Variants in LONP1 observed in about 807,000 individuals in gnomAD.
The protein encoded by LONP1 is lon protease homolog, mitochondrial.
LONP1 carries 31 observed loss-of-function variants against 98.5 expected under a neutral mutation model. The ratio of observed to expected loss-of-function variants is 0.31; its 90% confidence interval spans 0.24 to 0.42. The LOEUF (loss-of-function observed/expected upper bound fraction) is 0.42. LONP1 is among the 20% of genes least tolerant of loss of function. The pLI is 1.00. For missense variants in LONP1, 1,336 were observed against 1,350.6 expected (o/e 0.99, Z 0.17); for synonymous variants, 781 against 594.7 (o/e 1.31, Z -4.56).
At chr19:5,705,719 GGGGCTGAGGAGGGGTCACCTGA>G in intron 8 of LONP1, 31 bp downstream of exon 8, 4 of 1,550,402 alleles carry the variant, frequency 2.6e-6, no homozygotes, top group Non-Finnish European at 3.5e-6. Context: ...GCCTAAGATG[GGGGCTGAGGAGGGGTCACCTGA>G]GGGCTGGGCC....
intron 2 of LONP1, 102 bp from the exon 3 acceptor site, chr19:5,713,355 C>T: frequency 1.4e-6 from 2 of 1,424,830 alleles, no homozygotes; most frequent in Admixed American, 1.7e-5. Flanking sequence ...ACGCCCCTAC[C>T]AAATGCTACT....
intron 8 of LONP1, among the ~76,000 whole-genome samples, chr19:5,703,556 G>C (rs980492461): frequency 4.6e-5 from 7 of 151,956 alleles, no homozygotes; most frequent in African/African-American, 1.7e-4. Flanking sequence ...ATGAAGAGGA[G>C]GACGGCTTCC....
chr19:5,692,367 CGG>C lies in LONP1; in HGVS notation c.2704-161_2704-160del, dbSNP rs1012383335. 7.9e-6 allele frequency: 5 copies of C among 633,792 alleles called. No individual in the cohort carries two copies. The African/African-American group carries it at 9.3e-5, about 12-fold the overall frequency. The allele number at this position is 633,792 out of a possible 1,614,324, so 39.3% of individuals were successfully genotyped here. A position where few individuals can be genotyped will look rare whatever the true frequency, so the allele number is the denominator to read the frequency against. On this transcript the variant is annotated intron_variant, in intron 17 of 17. Transcript: ENST00000360614. ...AACCCACCAGGGTCCCCGTCTCCCACGGGGAAACAGGCTCAAGGCAAAACCAC... is the reference window on the plus strand; with the variant it reads ...AACCCACCAGGGTCCCCGTCTCCCACGGAAACAGGCTCAAGGCAAAACCAC...
At position 5,693,400 on chromosome 19, in the gene LONP1, C is replaced by A; in HGVS notation, c.2601G>T (p.Leu867=). Residue 867 remains leucine (L), a synonymous_variant, in exon 17 of 18, where the codon CTG becomes CTT. Coordinates refer to ENST00000360614, the MANE Select transcript of LONP1 (RefSeq NM_004793.4). ...TCTGCCGGACAGGCCTGCCCATGGC[C>A]AGGGACAGCAGGGCCGTGACGATGG... ...GCTIVTALLS[L]AMGRPVRQNL... 6.2e-7 allele frequency: 1 copy of A among 1,613,000 alleles called. No homozygotes were observed. The highest frequency in any genetic ancestry group is 8.5e-7 in the Non-Finnish European group (1 of 1,179,646).
intron 13 of LONP1, 28 bp downstream of exon 13, chr19:5,696,026 G>T: frequency 6.3e-7 from 1 of 1,593,434 alleles, no homozygotes; most frequent in Non-Finnish European, 8.6e-7. Context: ...CTGGGAAGGG[G>T]ACAGCAGTGG....
chr19:5,712,196 A>C, intron 3 of LONP1, 194 bp from the exon 4 acceptor site: 1 of 557,982 alleles, frequency 1.8e-6, no homozygotes. Context: ...TGTCCCCTCC[A>C]CCCCTTAGAC....
chr19:5,708,008 G>A (rs2055175631), intron 5 of LONP1, 182 bp from the exon 6 acceptor site: 1 of 701,794 alleles, frequency 1.4e-6, no homozygotes, highest in Admixed American at 2.9e-5. Flanking sequence ...ACCCGTCCTG[G>A]GCTGGAAAGG....
At chr19:5,695,436 C>G (rs2054908526) in intron 13 of LONP1, among the ~76,000 whole-genome samples, 2 of 152,130 alleles carry the variant, frequency 1.3e-5, no homozygotes, top group African/African-American at 4.8e-5. Context: ...CCCCATGCCC[C>G]CCAGTCCTGT....
intron 13 of LONP1, 119 bp downstream of exon 13, chr19:5,695,935 C>CCCG: frequency 2.4e-6 from 2 of 823,498 alleles, no homozygotes; most frequent in Non-Finnish European, 3.8e-6. Flanking sequence ...TGCTCCTCGG[C>CCCG]CGCAGGTCCC....
In LONP1 at chr19:5,696,231, C is replaced by T. The variant is rs566824290; in HGVS notation, c.1896+18G>A. 1.9e-6 allele frequency: 3 copies of T among 1,612,972 alleles called. No individual in the cohort carries two copies. The highest frequency in any genetic ancestry group is 2.2e-5 in the East Asian group (1 of 44,870). ...CTTACCCTCCCCAGCAAGCCCAGGC[C>T]CCAGACAGGCCCCCCACCTTGGACA... On this transcript the variant is annotated intron_variant, in intron 12 of 17. Coordinates refer to ENST00000360614, the MANE Select transcript of LONP1 (RefSeq NM_004793.4).
intron 10 of LONP1, among the ~76,000 whole-genome samples, chr19:5,697,777 A>G (rs1242459752): frequency 6.6e-6 from 1 of 151,878 alleles, no homozygotes; most frequent in Non-Finnish European, 1.5e-5. Flanking sequence ...TCAGGAACCC[A>G]GAGACGTCAG....
chr19:5,712,792 G>A (rs1459869006), intron 3 of LONP1, among the ~76,000 whole-genome samples: 1 of 151,728 alleles, frequency 6.6e-6, no homozygotes, highest in Non-Finnish European at 1.5e-5. Flanking sequence ...ACCACATCCA[G>A]CTAATTTTTC....
chr19:5,703,991 C>A (rs557214651), intron 8 of LONP1, among the ~76,000 whole-genome samples: 34 of 152,348 alleles, frequency 2.2e-4, no homozygotes, highest in Admixed American at 2.6e-4. Context: ...GTTCTCCCCC[C>A]ACAGGAGGCG....
rs772840297 is a variant in LONP1, at chr19:5,691,995, G to A, written c.*37C>T. On this transcript the variant is annotated 3_prime_UTR_variant, in exon 18 of 18. Coordinates refer to ENST00000360614, the MANE Select transcript of LONP1 (RefSeq NM_004793.4). ...CAGCGCTCAGTTCTGGCCCAGACAG[G>A]GCCTGACATCCGCCGCCTGCAGTCC... is the stretch of plus-strand genomic sequence containing the variant. 1 of 1,592,038 alleles carries A rather than the reference G, an allele frequency of 6.3e-7. No homozygotes were observed.
At chr19:5,720,372 A>T (rs72979079), upstream of LONP1, 1 of 627,580 alleles carries the variant, frequency 1.6e-6, no homozygotes, top group Non-Finnish European at 2.6e-6. Flanking sequence ...GGCTGTGAGC[A>T]GGCGCCAGCG....
chr19:5,694,834 T>C lies in LONP1; in HGVS notation c.2081A>G (p.Asp694Gly). The change falls in exon 14 of 18, where the codon GAC (aspartate) becomes GGC (glycine). Residue 694 changes from aspartate to glycine, a missense_variant. By Grantham distance (94) the Asp-to-Gly change is moderately conservative. Transcript: ENST00000360614. The part of the protein sequence containing the change: ...LDESKAKLSS[D>G]VLTLLIKQYC... ...CTGCTTGATGAGCAGCGTCAGCACG[T>C]CCGATGACAGCTTGGCCTTGCTCTC... The C allele has an allele frequency of 6.2e-7, 1 of 1,604,490 alleles. No homozygotes were observed. The highest frequency in any genetic ancestry group is 8.5e-7 in the Non-Finnish European group (1 of 1,173,054).
At position 5,691,868 on chromosome 19, in the gene LONP1, A is replaced by G. The variant is rs1599438777; in HGVS notation, c.*164T>C. 2 of 824,270 alleles carry G rather than the reference A, an allele frequency of 2.4e-6. No individual in the cohort carries two copies. The highest frequency in any genetic ancestry group is 3.7e-6 in the Non-Finnish European group (2 of 536,264). 51.1% of individuals were successfully genotyped at this position (824,270 alleles called of 1,614,324 possible). ...TGACTTTAATCATTAAATAGCTTCT[A>G]TGCCACACTCTGATTAAGCCGACTG... is the stretch of plus-strand genomic sequence containing the variant. On this transcript the variant is annotated 3_prime_UTR_variant, in exon 18 of 18. Coordinates refer to ENST00000360614, the MANE Select transcript of LONP1 (RefSeq NM_004793.4).
At position 5,696,333 on chromosome 19, in the gene LONP1, C is replaced by A. The variant is rs142511312; in HGVS notation, c.1812G>T (p.Ser604=). The A allele has an allele frequency of 5.6e-6, 9 of 1,613,184 alleles. No individual in the cohort carries two copies. The African/African-American group carries it at 1.1e-4, about 19-fold the overall frequency. The part of the protein sequence containing the change: ...KIGRGYQGDP[S]SALLELLDPE... ...GGTCCAGCAGCTCCAGCAGTGCCGA[C>A]GACGGGTCCCCCTGGTAGCCTCGGC... is the stretch of plus-strand genomic sequence containing the variant. Residue 604 remains serine (S), a synonymous_variant, in exon 12 of 18, where the codon TCG becomes TCT. Coordinates refer to ENST00000360614, the MANE Select transcript of LONP1 (RefSeq NM_004793.4).
chr19:5,707,316 C>T (rs867140733), intron 6 of LONP1, among the ~76,000 whole-genome samples, 173 bp from the exon 7 acceptor site: 2 of 152,202 alleles, frequency 1.3e-5, no homozygotes, highest in Non-Finnish European at 2.9e-5. Flanking sequence ...GTGCTGGAAA[C>T]GCATCCTACG....
Sources: allele counts gnomAD v4.1 joint callset (sites outside exome capture counted in the v4.1 genomes callset), GRCh38; gene constraint gnomAD v4.1.1; transcripts MANE v1.5; gene names NCBI Gene and HGNC (gene_info 2026-07-23, HGNC 2026-07-21).